Variants in MTF2 observed in about 807,000 individuals in gnomAD.
MTF2 encodes metal response element binding transcription factor 2, also known as metal-response element-binding transcription factor 2.
MTF2 carries 11 observed loss-of-function variants against 79.5 expected under a neutral mutation model. That is an observed-to-expected ratio of 0.14 (90% CI 0.09 to 0.23). The LOEUF is 0.23. MTF2 is among the 10% of genes least tolerant of loss of function. The pLI is 1.00. For missense variants in MTF2, 486 were observed against 711.2 expected, an observed-to-expected ratio of 0.68 and a Z score of 3.60; for synonymous variants, 208 against 232.8, an observed-to-expected ratio of 0.89 and a Z score of 0.97.
At chr1:93,084,869 C>T (rs1571211901) in intron 1 of MTF2, among the ~76,000 whole-genome samples, 1 of 151,856 alleles carries the variant, frequency 6.6e-6, no homozygotes. Flanking sequence ...AGAGCAAGGC[C>T]CTGTCTTTAA....
chr1:93,128,704 A>G (rs1328317284), intron 10 of MTF2: 1 of 151,496 alleles, frequency 6.6e-6, no homozygotes, highest in Non-Finnish European at 1.5e-5. Flanking sequence ...AGGTCTAAGG[A>G]GCATATTTTG....
At position 93,134,978 on chromosome 1, in the gene MTF2, AT is replaced by A. The variant is rs200681560; in HGVS notation, c.1424+792del. On this transcript the variant is annotated intron_variant, in intron 14 of 14. Transcript: ENST00000370298. The stretch of plus-strand genomic sequence containing the variant: ...AGGACAACGTTTTTGTTTATTGTTT[AT>A]TTTTTTTTGAGATGGAGTCTCGCTC... 3.9e-3 allele frequency among the ~76,000 whole-genome samples: 588 copies of A among 150,242 alleles called. 2 individuals are homozygous for A. The highest frequency in any genetic ancestry group is 0.013 in the African/African-American group (530 of 40,960).
chr1:93,107,155 T>C (rs1333890439), intron 1 of MTF2, among the ~76,000 whole-genome samples: 5 of 152,228 alleles, frequency 3.3e-5, no homozygotes, highest in Admixed American at 1.3e-4. Flanking sequence ...TTCTTCATTG[T>C]GTACTAACGG....
At chr1:93,101,065 A>G (rs1278302958) in intron 1 of MTF2, among the ~76,000 whole-genome samples, 1 of 152,244 alleles carries the variant, frequency 6.6e-6, no homozygotes, top group East Asian at 1.9e-4. Context: ...TTAGTTCACT[A>G]GGAGAACAGA....
At chr1:93,106,259 AAGAC>A (rs1229936023) in intron 1 of MTF2, among the ~76,000 whole-genome samples, 2 of 152,210 alleles carry the variant, frequency 1.3e-5, no homozygotes, top group African/African-American at 4.8e-5. Context: ...AGTGGAGAGT[AAGAC>A]AGAGACAGAC....
intron 3 of MTF2, among the ~76,000 whole-genome samples, chr1:93,110,932 C>G (rs1419763895): frequency 6.6e-6 from 1 of 152,090 alleles, no homozygotes; most frequent in South Asian, 2.1e-4. Context: ...CTGTTGCTTG[C>G]TTATATTTGT....
chr1:93,137,555 C>A lies in MTF2; in HGVS notation c.*528C>A, dbSNP rs1647451728. 1 of 153,450 alleles carries A rather than the reference C, an allele frequency of 6.5e-6. No homozygotes were observed. The highest frequency in any genetic ancestry group is 2.0e-4 in the South Asian group (1 of 4,904). 9.5% of individuals were successfully genotyped at this position (153,450 alleles called of 1,614,324 possible). On this transcript the variant is annotated 3_prime_UTR_variant, in exon 15 of 15. Transcript: ENST00000370298. ...GCAAAGTGTAAAAAAATATATTGAG[C>A]CTGTAAATTGCTCTGTGACTAGACT...
chr1:93,099,788 GAGT>G (rs1241455736), intron 1 of MTF2, among the ~76,000 whole-genome samples: 4 of 152,132 alleles, frequency 2.6e-5, no homozygotes, highest in Admixed American at 2.6e-4. Flanking sequence ...TTAGAAGCAG[GAGT>G]TACATGTGGA....
At position 93,093,107 on chromosome 1, in the gene MTF2, G is replaced by A. The variant is rs377585507; in HGVS notation, c.5+13576G>A. The stretch of plus-strand genomic sequence containing the variant: ...TGAGGCAGGAGAATCGCTTGAACCC[G>A]GGAGGCAGAGGTTGCAGTGAGCTGA... On this transcript the variant is annotated intron_variant, in intron 1 of 14. Transcript: ENST00000370298. Among the ~76,000 whole-genome samples the A allele has an allele frequency of 3.9e-4, 59 of 151,946 alleles. No homozygotes were observed. The East Asian group carries it at 7.4e-3, about 19-fold the overall frequency.
chr1:93,134,449 T>C (rs1466207327), intron 14 of MTF2: 2 of 411,016 alleles, frequency 4.9e-6, no homozygotes, highest in Admixed American at 4.2e-5. Context: ...AAGTATACCA[T>C]TGTTTAGAAG....
In MTF2 at chr1:93,133,828, T is replaced by C. The variant is rs1314498580; in HGVS notation, c.1266+20T>C. 2.5e-6 allele frequency: 4 copies of C among 1,573,628 alleles called. No individual in the cohort carries two copies. The African/African-American group carries it at 4.1e-5, about 16-fold the overall frequency. ...CTTTTGGTAAGAGGATATGTTGGTA[T>C]ATGTTCTCAAGAAGAAGGATGCATG... On this transcript the variant is annotated intron_variant, in intron 12 of 14. Transcript: ENST00000370298.
chr1:93,118,553 T>G, intron 7 of MTF2, 113 bp downstream of exon 7: 40 of 635,688 alleles, frequency 6.3e-5, no homozygotes, highest in Non-Finnish European at 8.8e-5. Flanking sequence ...GGAAAGGGGT[T>G]GTCTCAGAGG....
At position 93,090,323 on chromosome 1, in the gene MTF2, G is replaced by A. The variant is rs186330377; in HGVS notation, c.5+10792G>A. 9.7e-4 allele frequency among the ~76,000 whole-genome samples: 147 copies of A among 152,092 alleles called. 1 individual carries two copies. The highest frequency in any genetic ancestry group is 1.1e-3 in the Admixed American group (17 of 15,260). The stretch of plus-strand genomic sequence containing the variant: ...ATGGGGATTTCTCCATGCTGGCCAG[G>A]CGGGTCTTGAATTCCTGACCTCAGG... On this transcript the variant is annotated intron_variant, in intron 1 of 14. Coordinates refer to ENST00000370298, the MANE Select transcript of MTF2 (RefSeq NM_007358.4).
At chr1:93,105,835 C>A (rs1406689054) in intron 1 of MTF2, among the ~76,000 whole-genome samples, 3 of 152,030 alleles carry the variant, frequency 2.0e-5, no homozygotes, top group Non-Finnish European at 4.4e-5. Flanking sequence ...GCCATCACGC[C>A]CGGCTAATTT....
rs769952594 is a variant in MTF2 at position 93,136,695 on chromosome 1, C to T, written c.1450C>T (p.Arg484Cys). Residue 484 changes from arginine to cysteine, a missense_variant, in exon 15 of 15, where the codon CGT becomes TGT. Arg to Cys is a radical substitution (Grantham distance 180). Transcript: ENST00000370298. ...YGLSDSRKRT[R>C]TGRSWPAAIP... Reference sequence around the variant, plus strand: ...ATTATCTGACTCCAGAAAAAGAACGCGTACAGGAAGATCTTGGCCTGCTGC... The same window carrying T: ...ATTATCTGACTCCAGAAAAAGAACGTGTACAGGAAGATCTTGGCCTGCTGC... 34 of 1,613,434 alleles carry T rather than the reference C, an allele frequency of 2.1e-5. 1 individual carries two copies. In the Admixed American group the frequency reaches 4.2e-4, roughly 20 times the overall value.
At chr1:93,083,268 A>G (rs1042137195) in intron 1 of MTF2, among the ~76,000 whole-genome samples, 2 of 152,110 alleles carry the variant, frequency 1.3e-5, no homozygotes, top group Non-Finnish European at 2.9e-5. Context: ...TGATCTAGTC[A>G]TTTCCCACCA....
chr1:93,121,299 C>G, intron 9 of MTF2: 1 of 876,394 alleles, frequency 1.1e-6, no homozygotes, highest in Non-Finnish European at 1.4e-6. Flanking sequence ...TAATGAATAG[C>G]AGAAAGAGAA....
At position 93,111,563 on chromosome 1, in the gene MTF2, A is replaced by T. The variant is rs1656028919; in HGVS notation, c.286+937A>T. Among the ~76,000 whole-genome samples the T allele has an allele frequency of 4.6e-5, 7 of 152,218 alleles. No individual in the cohort carries two copies. The South Asian group carries it at 1.5e-3, about 32-fold the overall frequency. On this transcript the variant is annotated intron_variant, in intron 3 of 14. Coordinates refer to ENST00000370298, the MANE Select transcript of MTF2 (RefSeq NM_007358.4). Reference sequence around the variant, plus strand: ...AAAAAAGTTTTGGTAAAGGAATTGGAATGTTCTAATTACCATCTGTATAGT... The same window carrying T: ...AAAAAAGTTTTGGTAAAGGAATTGGTATGTTCTAATTACCATCTGTATAGT...
At chr1:93,117,674 G>A (rs1196959104) in intron 6 of MTF2, among the ~76,000 whole-genome samples, 2 of 152,052 alleles carry the variant, frequency 1.3e-5, no homozygotes, top group African/African-American at 2.4e-5. Context: ...TTGATATTTG[G>A]GGCAAACAAC....
Sources: allele counts gnomAD v4.1 joint callset (sites outside exome capture counted in the v4.1 genomes callset), GRCh38; gene constraint gnomAD v4.1.1; transcripts MANE v1.5; gene names NCBI Gene and HGNC (gene_info 2026-07-23, HGNC 2026-07-21).